PCDHGB1: variants seen among roughly 807,000 people sequenced by gnomAD.
The protein encoded by PCDHGB1 is protocadherin gamma subfamily B, 1.
Under a neutral mutation model 56.6 loss-of-function variants are expected in PCDHGB1, and 34 were observed. That is an observed-to-expected ratio of 0.60 (90% confidence interval 0.46 to 0.80). The LOEUF is 0.80. Ranked by LOEUF, PCDHGB1 falls within the 30% of genes least tolerant of loss-of-function variation. The probability of loss-of-function intolerance (pLI) is 0.00; values close to 1 mark genes in which losing one functional copy is unlikely to be tolerated. For synonymous variants in PCDHGB1, 561 were observed against 505.9 expected, an observed-to-expected ratio of 1.11 and a Z score of -1.46; for missense variants, 1,278 against 1,204.6, an observed-to-expected ratio of 1.06 and a Z score of -0.90.
In PCDHGB1 at chr5:141,511,070, G is replaced by A. The variant is rs1341623011; in HGVS notation, c.2681G>A (p.Gly894Asp). ...PDYRQNVYIP[G>D]SNATLTNAAG... ...TACCGCCAGAATGTCTACATCCCAG[G>A]CAGCAATGCCACACTGACCAACGCA... The change falls in exon 4 of 4, where the codon GGC (glycine) becomes GAC (aspartate). Residue 894 changes from glycine to aspartate, a missense_variant. Physicochemically the swap from Gly to Asp is moderately conservative, Grantham distance 94 (BLOSUM62 -1). Transcript: ENST00000523390. 2.5e-6 allele frequency: 4 copies of A among 1,614,218 alleles called. No homozygotes were observed. Among genetic ancestry groups the A allele is most frequent in the Admixed American group, 1.7e-5 (1 of 60,030 alleles).
chr5:141,458,597 T>C (rs940896214), intron 1 of PCDHGB1, among the ~76,000 whole-genome samples: 18 of 151,988 alleles, frequency 1.2e-4, no homozygotes, highest in Non-Finnish European at 2.4e-4. Context: ...TGGAGACGAG[T>C]CTCACTCTGT....
chr5:141,372,338 T>C, intron 1 of PCDHGB1: 1 of 1,613,820 alleles, frequency 6.2e-7, no homozygotes, highest in Non-Finnish European at 8.5e-7. Context: ...CTGTGCGTGA[T>C]GGAGGACAGC....
intron 3 of PCDHGB1, 40 bp downstream of exon 3, chr5:141,505,521 T>C: frequency 1.9e-6 from 3 of 1,612,684 alleles, no homozygotes; most frequent in Non-Finnish European, 2.5e-6. Context: ...GTGGGAGACC[T>C]GGGGTTCTGG....
intron 1 of PCDHGB1, among the ~76,000 whole-genome samples, chr5:141,381,472 A>G (rs1777217104): frequency 6.6e-6 from 1 of 152,246 alleles, no homozygotes; most frequent in Non-Finnish European, 1.5e-5. Context: ...AATGCTGTCT[A>G]GAGATCCCTG....
intron 1 of PCDHGB1, chr5:141,478,393 G>A (rs2099452978): frequency 6.2e-7 from 1 of 1,613,488 alleles, no homozygotes; most frequent in South Asian, 1.1e-5. Flanking sequence ...TTTACCATCA[G>A]GTGTATCTCA....
chr5:141,478,415 C>T, intron 1 of PCDHGB1: 1 of 1,613,648 alleles, frequency 6.2e-7, no homozygotes, highest in Non-Finnish European at 8.5e-7. Flanking sequence ...CACGGACTCC[C>T]GCCGCAGCGA....
At chr5:141,410,903 G>C (rs191165984) in intron 1 of PCDHGB1, 2 of 276,978 alleles carry the variant, frequency 7.2e-6, no homozygotes, top group South Asian at 4.9e-5. Context: ...GCCTAGGCTG[G>C]AGTGCAGTGG....
At chr5:141,375,585 T>C (rs765334095) in intron 1 of PCDHGB1, 7 of 1,614,014 alleles carry the variant, frequency 4.3e-6, no homozygotes, top group African/African-American at 1.3e-5. Context: ...GGGGCGCCCC[T>C]GTCCTCCTAC....
rs750564390 is a variant in PCDHGB1, at chr5:141,494,823, C to T, written c.2426C>T (p.Thr809Met). Residue 809 changes from threonine to methionine, a missense_variant, in exon 2 of 4, where the codon ACG becomes ATG. Physicochemically the swap from Thr to Met is moderately conservative, Grantham distance 81. Coordinates refer to ENST00000523390, the MANE Select transcript of PCDHGB1 (RefSeq NM_018922.3). Reference sequence around the variant, plus strand: ...TCTCCACAGCAAGCCCCGCCCAACACGGACTGGCGTTTCTCTCAGGCCCAG... The same window carrying T: ...TCTCCACAGCAAGCCCCGCCCAACATGGACTGGCGTTTCTCTCAGGCCCAG... ...SLSSHQAPPN[T>M]DWRFSQAQRP... 7 of 1,614,014 alleles carry T rather than the reference C, an allele frequency of 4.3e-6. No individual in the cohort carries two copies. The East Asian group carries it at 8.9e-5, about 21-fold the overall frequency.
intron 1 of PCDHGB1, chr5:141,362,297 C>T: frequency 1.2e-6 from 2 of 1,614,082 alleles, no homozygotes; most frequent in African/African-American, 1.3e-5. Flanking sequence ...TCTTCCAGGT[C>T]AGATGCTTGG....
In PCDHGB1 at chr5:141,512,848, G is replaced by C. The variant is rs1362051688; in HGVS notation, c.*1675G>C. The C allele has an allele frequency of 6.6e-6, 1 of 152,216 alleles. No individual in the cohort carries two copies. 9.4% of individuals were successfully genotyped at this position (152,216 alleles called of 1,614,324 possible). ...CCCCGTACTGACTTCTCCTATAAGC[G>C]CTTCTCTTCGCATAGTCACGTAGCT... On this transcript the variant is annotated 3_prime_UTR_variant, in exon 4 of 4. Transcript: ENST00000523390.
intron 1 of PCDHGB1, among the ~76,000 whole-genome samples, chr5:141,368,453 G>A (rs775342461): frequency 2.2e-4 from 33 of 151,956 alleles, no homozygotes; most frequent in Non-Finnish European, 4.1e-4. Flanking sequence ...CAAACTCACC[G>A]AATAGTGAAT....
intron 1 of PCDHGB1, among the ~76,000 whole-genome samples, chr5:141,380,518 T>C (rs1166161347): frequency 1.3e-5 from 2 of 152,254 alleles, no homozygotes; most frequent in African/African-American, 2.4e-5. Context: ...CTTTAAACTA[T>C]GAAATGATTT....
chr5:141,510,451 G>A (rs1330148267), intron 3 of PCDHGB1, among the ~76,000 whole-genome samples: 2 of 152,096 alleles, frequency 1.3e-5, no homozygotes, highest in East Asian at 1.9e-4. Context: ...AGGAGCCCAT[G>A]GTCTAGTGTG....
chr5:141,422,061 A>G (rs1215523341), intron 1 of PCDHGB1: 3 of 1,612,074 alleles, frequency 1.9e-6, no homozygotes, highest in Non-Finnish European at 2.5e-6. Flanking sequence ...ACGGGGAAGT[A>G]ATGTATTCAT....
intron 1 of PCDHGB1, among the ~76,000 whole-genome samples, chr5:141,450,424 CTTTAA>C (rs2098679800): frequency 1.3e-5 from 2 of 152,146 alleles, no homozygotes; most frequent in East Asian, 3.9e-4. Context: ...TGTATAATGC[CTTTAA>C]TTTATATTTG....
chr5:141,388,941 C>G, intron 1 of PCDHGB1: 1 of 1,613,962 alleles, frequency 6.2e-7, no homozygotes, highest in South Asian at 1.1e-5. Context: ...TCTACCCAAC[C>G]TAATTATGGA....
chr5:141,422,106 C>G (rs763336868), intron 1 of PCDHGB1: 1 of 1,607,266 alleles, frequency 6.2e-7, no homozygotes, highest in Admixed American at 1.7e-5. Flanking sequence ...CTGAAATATT[C>G]CAATTGGATT....
Position 141,485,943 on chromosome 5 carries a change from C to A in PCDHGB1, c.2410-8864C>A, listed in dbSNP as rs750871245. The A allele has an allele frequency of 1.9e-6, 3 of 1,614,126 alleles. No individual in the cohort carries two copies. Among genetic ancestry groups the A allele is most frequent in the Non-Finnish European group, 1.7e-6 (2 of 1,180,012 alleles). ...ATTAGTGTGTTGGAGAGCGCACCAG[C>A]GGGCATGGTGCTCATCCAGCTCAAT... is the stretch of plus-strand genomic sequence containing the variant. On this transcript the variant is annotated intron_variant, in intron 1 of 3. Coordinates refer to ENST00000523390, the MANE Select transcript of PCDHGB1 (RefSeq NM_018922.3). The surrounding 1 kb of genome is among the most constrained non-coding windows in gnomAD (Gnocchi z 5.7).
Sources: allele counts gnomAD v4.1 joint callset (sites outside exome capture counted in the v4.1 genomes callset), GRCh38; gene constraint gnomAD v4.1.1; non-coding constraint Gnocchi (gnomAD v3.1); transcripts MANE v1.5; gene names NCBI Gene and HGNC (gene_info 2026-07-23, HGNC 2026-07-21).